The following LAMA2 variants were observed in gnomAD, a reference collection of about 807,000 sequenced individuals.
LAMA2 encodes laminin subunit alpha-2.
In LAMA2, 269 loss-of-function variants were observed where a neutral mutation model predicts 364.8. The ratio of observed to expected loss-of-function variants is 0.74; its 90% CI spans 0.67 to 0.82. LAMA2 has a LOEUF of 0.82. Ranked by LOEUF, LAMA2 falls within the 40% of genes least tolerant of loss-of-function variation. The probability of loss-of-function intolerance (pLI) is 0.00; values close to 1 mark genes in which losing one functional copy is unlikely to be tolerated. For synonymous variants in LAMA2, 1,379 were observed against 1,370.6 expected, an observed-to-expected ratio of 1.01 and a Z score of -0.14; for missense variants, 3,807 against 3,873.2, an observed-to-expected ratio of 0.98 and a Z score of 0.45.
rs1049324989 is a variant in LAMA2 at position 129,367,702 on chromosome 6, A to G, written c.4860+1341A>G. Among the ~76,000 whole-genome samples, 30 of 152,238 alleles carry G rather than the reference A, an allele frequency of 2.0e-4. 1 individual carries two copies. Among genetic ancestry groups the G allele is most frequent in the Non-Finnish European group, 1.5e-5 (1 of 68,040 alleles). On this transcript the variant is annotated intron_variant, in intron 33 of 64. Coordinates refer to ENST00000421865, the MANE Select transcript of LAMA2 (RefSeq NM_000426.4). The stretch of plus-strand genomic sequence containing the variant: ...AGTATTATTATCCCTATTTTCCAGA[A>G]GAAGAAACCAATAATGATGATAACA...
At chr6:129,138,038 A>G (rs1777905347) in intron 4 of LAMA2, among the ~76,000 whole-genome samples, 1 of 152,106 alleles carries the variant, frequency 6.6e-6, no homozygotes, top group Admixed American at 6.6e-5. Flanking sequence ...ATCTGTGTAA[A>G]TGGCAAGCAG....
intron 39 of LAMA2, 103 bp from the exon 40 acceptor site, chr6:129,403,718 A>T: frequency 9.8e-7 from 1 of 1,019,474 alleles, no homozygotes. Context: ...TCATAGATAT[A>T]TTGGCCATGA....
chr6:129,146,986 G>T lies in LAMA2; in HGVS notation c.847G>T (p.Val283Phe). ...RYYYSVKDIS[V>F]GGMCICYGHA... The stretch of plus-strand genomic sequence containing the variant: ...TTACTACTCGGTCAAGGATATTTCA[G>T]TTGGAGGGATGTGCATCTGCTATGG... The change falls in exon 6 of 65, where the codon GTT becomes TTT. Residue 283 changes from valine to phenylalanine, a missense_variant. Val to Phe is a conservative substitution (Grantham distance 50, BLOSUM62 -1). This residue lies in a region of LAMA2 where 394 missense variants were observed against 403.5 expected (regional missense o/e 0.98). Coordinates refer to ENST00000421865, the MANE Select transcript of LAMA2 (RefSeq NM_000426.4). 1 of 1,611,570 alleles carries T rather than the reference G, an allele frequency of 6.2e-7. No homozygotes were observed. The highest frequency in any genetic ancestry group is 8.5e-7 in the Non-Finnish European group (1 of 1,177,856).
intron 44 of LAMA2, among the ~76,000 whole-genome samples, chr6:129,443,474 T>A (rs7768702): frequency 0.025 from 3,849 of 152,216 alleles, 161 homozygotes; most frequent in African/African-American, 0.088. Context: ...AGTGGAAAAC[T>A]GAATTTCTCT....
Position 129,503,182 on chromosome 6 carries a change from C to T in LAMA2, c.8449C>T (p.Gln2817Ter). The stretch of plus-strand genomic sequence containing the variant: ...CAATCATGCTGATTTTGCAACAGTT[C>T]AGCTGAGAAATGGATTGCCCTACTT... ...RINHADFATV[Q>*]LRNGLPYFSY... The change falls in exon 60 of 65, where the codon CAG becomes TAG. Residue 2817 changes from glutamine to a stop codon, truncating the protein, a stop_gained. Coordinates refer to ENST00000421865, the MANE Select transcript of LAMA2 (RefSeq NM_000426.4). LOFTEE classifies it high-confidence loss of function. The T allele has an allele frequency of 6.2e-7, 1 of 1,614,080 alleles. No individual in the cohort carries two copies. Among genetic ancestry groups the T allele is most frequent in the Non-Finnish European group, 8.5e-7 (1 of 1,179,964 alleles).
At position 129,230,475 on chromosome 6, in the gene LAMA2, G is replaced by A. The variant is rs140700293; in HGVS notation, c.1783-19637G>A. On this transcript the variant is annotated intron_variant, in intron 12 of 64. Coordinates refer to ENST00000421865, the MANE Select transcript of LAMA2 (RefSeq NM_000426.4). Reference sequence around the variant, plus strand: ...AATAAGGGCATAGATACTTTTATGGGATGTGGAATGGTGCTGGGACATGTG... The same window carrying A: ...AATAAGGGCATAGATACTTTTATGGAATGTGGAATGGTGCTGGGACATGTG... Among the ~76,000 whole-genome samples, 39 of 152,190 alleles carry A rather than the reference G, an allele frequency of 2.6e-4. 1 individual carries two copies. The highest frequency in any genetic ancestry group is 3.4e-3 in the Middle Eastern group (1 of 292).
chr6:129,098,216 C>T lies in LAMA2; in HGVS notation c.440C>T (p.Pro147Leu). 1.2e-6 allele frequency: 2 copies of T among 1,614,042 alleles called. No individual in the cohort carries two copies. The highest frequency in any genetic ancestry group is 1.7e-6 in the Non-Finnish European group (2 of 1,179,990). Residue 147 changes from proline (P) to leucine (L), a missense_variant, in exon 4 of 65, where the codon CCC (proline) becomes CTC (leucine). Physicochemically the swap from Pro to Leu is moderately conservative, Grantham distance 98. Coordinates refer to ENST00000421865, the MANE Select transcript of LAMA2 (RefSeq NM_000426.4). ...AYVIVKAANS[P>L]RPGNWILERS... The stretch of plus-strand genomic sequence containing the variant: ...GTGATTGTGAAGGCAGCTAACTCCC[C>T]CCGGCCTGGAAACTGGATTTTGGAA...
chr6:129,478,574 A>G, intron 53 of LAMA2, 119 bp from the exon 54 acceptor site: 1 of 1,038,506 alleles, frequency 9.6e-7, no homozygotes, highest in Non-Finnish European at 1.5e-6. Context: ...ACGTGTGCAC[A>G]GTTTGATAGA....
At chr6:129,464,057 C>T (rs1326226047) in intron 49 of LAMA2, among the ~76,000 whole-genome samples, 1 of 151,804 alleles carries the variant, frequency 6.6e-6, no homozygotes, top group African/African-American at 2.4e-5. Flanking sequence ...ACATAAAGCA[C>T]TTAAAAAAAC....
Position 129,502,542 on chromosome 6 carries a change from A to G in LAMA2, c.8245-117A>G, listed in dbSNP as rs981817220. The G allele has an allele frequency of 6.8e-6, 5 of 731,868 alleles. No homozygotes were observed. The African/African-American group carries it at 6.9e-5, about 10-fold the overall frequency. The allele number at this position is 731,868 out of a possible 1,614,324, so 45.3% of individuals were successfully genotyped here. On this transcript the variant is annotated intron_variant, in intron 58 of 64. Transcript: ENST00000421865. ...ATGCAGTAGACTACAGAGATGAATAATGTAGTTTTTATTCTTAAAGAATTA... is the reference window on the plus strand; with the variant it reads ...ATGCAGTAGACTACAGAGATGAATAGTGTAGTTTTTATTCTTAAAGAATTA...
chr6:129,109,287 C>G (rs879852324), intron 4 of LAMA2, among the ~76,000 whole-genome samples: 13 of 151,984 alleles, frequency 8.6e-5, no homozygotes, highest in Admixed American at 7.9e-4. Flanking sequence ...GCAACAGAAC[C>G]CATGTTGTGT....
At chr6:129,103,265 T>C (rs1266749561) in intron 4 of LAMA2, among the ~76,000 whole-genome samples, 1 of 152,240 alleles carries the variant, frequency 6.6e-6, no homozygotes, top group African/African-American at 2.4e-5. Flanking sequence ...CTACCATAAA[T>C]AGAAGCGAAG....
At chr6:129,240,634 AGTGCTCTGGAT>A (rs1262861722) in intron 12 of LAMA2, among the ~76,000 whole-genome samples, 8 of 152,210 alleles carry the variant, frequency 5.3e-5, no homozygotes, top group African/African-American at 1.9e-4. Context: ...AATTGATCAC[AGTGCTCTGGAT>A]GTGCTCTGAC....
At chr6:128,980,836 T>G (rs1782820433) in intron 1 of LAMA2, among the ~76,000 whole-genome samples, 1 of 152,202 alleles carries the variant, frequency 6.6e-6, no homozygotes, top group Non-Finnish European at 1.5e-5. Flanking sequence ...GATTTTAACG[T>G]GTATATCTTA....
At chr6:129,347,025 G>T (rs566102937) in intron 30 of LAMA2, among the ~76,000 whole-genome samples, 2 of 152,166 alleles carry the variant, frequency 1.3e-5, no homozygotes, top group Non-Finnish European at 2.9e-5. Context: ...GGCCAGGGTG[G>T]TTGGAACAGA....
intron 9 of LAMA2, 45 bp from the exon 10 acceptor site, chr6:129,177,661 T>C: frequency 6.3e-7 from 1 of 1,595,404 alleles, no homozygotes; most frequent in Non-Finnish European, 8.6e-7. Context: ...AACTAAATTA[T>C]GTACTTGTTT....
intron 10 of LAMA2, among the ~76,000 whole-genome samples, chr6:129,189,304 C>T (rs926264650): frequency 1.3e-5 from 2 of 151,880 alleles, no homozygotes; most frequent in Non-Finnish European, 1.5e-5. Context: ...AGAGAAAATG[C>T]GTATGTAGGG....
intron 4 of LAMA2, among the ~76,000 whole-genome samples, chr6:129,130,380 A>G (rs77920921): frequency 0.039 from 5,886 of 152,322 alleles, 389 homozygotes; most frequent in African/African-American, 0.13. Flanking sequence ...CACATAAGCA[A>G]TAGAGCTGAT....
At chr6:129,287,712 T>C in intron 18 of LAMA2, 135 bp from the exon 19 acceptor site, 1 of 790,096 alleles carries the variant, frequency 1.3e-6, no homozygotes, top group Admixed American at 1.8e-5. Flanking sequence ...ATTTTTTTAA[T>C]CACGTTGCGT....
Sources: gnomAD v4.1 joint callset for allele counts (sites outside exome capture counted in the v4.1 genomes callset) on GRCh38, gnomAD v4.1.1 for gene constraint, gnomAD v4.1.1 regional missense constraint, MANE v1.5 for transcripts, NCBI Gene and HGNC (gene_info 2026-07-23, HGNC 2026-07-21) for gene names.